Variants in PKD2 observed in about 807,000 individuals in gnomAD.
PKD2 encodes the protein polycystin-2.
In PKD2, 48 loss-of-function variants were observed where a neutral mutation model predicts 105.9. The ratio of observed to expected loss-of-function variants is 0.45; its 90% confidence interval spans 0.36 to 0.58. The LOEUF (loss-of-function observed/expected upper bound fraction) is 0.58. Among genes scored for constraint, PKD2 ranks in the 20% least tolerant of loss-of-function variants. The pLI is 0.00. For synonymous variants in PKD2, 464 were observed against 481.1 expected, an observed-to-expected ratio of 0.96 and a Z score of 0.46; for missense variants, 1,078 against 1,255.3, an observed-to-expected ratio of 0.86 and a Z score of 2.13.
rs776992921 is a variant in PKD2, at chr4:88,065,386, G to A, written c.2131G>A (p.Ala711Thr). 1.2e-6 allele frequency: 2 copies of A among 1,612,146 alleles called. No individual in the cohort carries two copies. Among genetic ancestry groups the A allele is most frequent in the South Asian group, 2.2e-5 (2 of 91,056 alleles). The change falls in exon 11 of 15, where the codon GCT becomes ACT. Residue 711 changes from alanine (A) to threonine (T), a missense_variant. Physicochemically the swap from Ala to Thr is moderately conservative, Grantham distance 58 (BLOSUM62 0). This residue lies in a region of PKD2 where 868 missense variants were observed against 1,067.3 expected (regional missense o/e 0.81). Coordinates refer to ENST00000237596, the MANE Select transcript of PKD2 (RefSeq NM_000297.4). ...CTCTCTCTGATAGGGCTACCATAAA[G>A]CTTTGGTCAAACTAAAACTGAAAAA... ...SDLIRKGYHKALVKLKLKKNT... is the reference protein window; with the variant it reads ...SDLIRKGYHKTLVKLKLKKNT...
intron 2 of PKD2, among the ~76,000 whole-genome samples, chr4:88,024,533 A>G (rs1208659981): frequency 6.6e-6 from 1 of 151,392 alleles, no homozygotes; most frequent in Non-Finnish European, 1.5e-5. Context: ...AATGCAAGGA[A>G]GGTATTTGGT....
intron 7 of PKD2, among the ~76,000 whole-genome samples, chr4:88,053,996 CAG>C (rs1185699564): frequency 6.6e-6 from 1 of 152,134 alleles, no homozygotes; most frequent in Non-Finnish European, 1.5e-5. Context: ...ATAGCACAGT[CAG>C]AGCCTGTGCT....
In PKD2 at chr4:88,065,492, A is replaced by G. The variant is rs1720758287; in HGVS notation, c.2237A>G (p.Lys746Arg). Reference sequence around the variant, plus strand: ...TTTGACGAACTTCGACAAGATCTCAAAGGGTGAGAATCATGCTTCCTGAGG... The same window carrying G: ...TTTGACGAACTTCGACAAGATCTCAGAGGGTGAGAATCATGCTTCCTGAGG... Reference protein sequence around the residue: ...LNFDELRQDLKGKGHTDAEIE... With the variant: ...LNFDELRQDLRGKGHTDAEIE... The change falls in exon 11 of 15, where the codon AAA becomes AGA. Residue 746 changes from lysine to arginine, a missense_variant. By Grantham distance (26) the Lys-to-Arg change is conservative (BLOSUM62 2). Coordinates refer to ENST00000237596, the MANE Select transcript of PKD2 (RefSeq NM_000297.4). The G allele has an allele frequency of 1.9e-6, 3 of 1,613,786 alleles. No individual in the cohort carries two copies. The East Asian group carries it at 6.7e-5, about 36-fold the overall frequency.
intron 2 of PKD2, among the ~76,000 whole-genome samples, chr4:88,021,281 G>A (rs1398486940): frequency 1.3e-5 from 2 of 152,158 alleles, no homozygotes; most frequent in Admixed American, 1.3e-4. Context: ...TACTAACAGA[G>A]CCTCCATAAT....
At chr4:88,041,920 TC>T (rs1203098771) in intron 4 of PKD2, among the ~76,000 whole-genome samples, 3 of 152,184 alleles carry the variant, frequency 2.0e-5, no homozygotes, top group African/African-American at 4.8e-5. Flanking sequence ...CCTCTGTTCC[TC>T]CCCACTCCAG....
At chr4:88,064,360 TA>T (rs1720706316) in intron 10 of PKD2, among the ~76,000 whole-genome samples, 1 of 152,258 alleles carries the variant, frequency 6.6e-6, no homozygotes. Context: ...TTAATGTTTC[TA>T]ATGTTTTACA....
intron 6 of PKD2, among the ~76,000 whole-genome samples, chr4:88,047,912 TGACTC>T (rs1388795202): frequency 6.6e-6 from 1 of 152,224 alleles, no homozygotes; most frequent in Non-Finnish European, 1.5e-5. Flanking sequence ...TGTCTGCTCT[TGACTC>T]TATTATAACT....
intron 2 of PKD2, among the ~76,000 whole-genome samples, chr4:88,019,882 G>C (rs1287527705): frequency 6.6e-6 from 1 of 152,190 alleles, no homozygotes; most frequent in Non-Finnish European, 1.5e-5. Flanking sequence ...TGACTAAATT[G>C]TGACCAAATG....
intron 3 of PKD2, among the ~76,000 whole-genome samples, chr4:88,037,052 T>C (rs1727359379): frequency 6.6e-6 from 1 of 152,112 alleles, no homozygotes; most frequent in Non-Finnish European, 1.5e-5. Context: ...CAACATAGTA[T>C]GACTTTGTCT....
At chr4:88,065,944 C>G in intron 12 of PKD2, 65 bp downstream of exon 12, 3 of 891,792 alleles carry the variant, frequency 3.4e-6, no homozygotes, top group South Asian at 1.3e-5. Flanking sequence ...GTATCAAACA[C>G]TATAGAAGTA....
At position 88,076,004 on chromosome 4, in the gene PKD2, C is replaced by G. The variant is rs1721223315; in HGVS notation, c.*310C>G. ...TCTTCTCAGTTGACAATGAAGTAGC[C>G]TTTTAAAGCTAGAAAACTGTCAAAG... On this transcript the variant is annotated 3_prime_UTR_variant, in exon 15 of 15. Transcript: ENST00000237596. 3.1e-6 allele frequency: 1 copy of G among 317,776 alleles called. No individual in the cohort carries two copies. Among genetic ancestry groups the G allele is most frequent in the Non-Finnish European group, 5.9e-6 (1 of 169,012 alleles). 19.7% of individuals were successfully genotyped at this position (317,776 alleles called of 1,614,324 possible).
At chr4:88,018,543 T>G (rs1460147601) in intron 1 of PKD2, among the ~76,000 whole-genome samples, 1 of 152,100 alleles carries the variant, frequency 6.6e-6, no homozygotes, top group African/African-American at 2.4e-5. Flanking sequence ...GAGAGGTTTG[T>G]CTTTTTTGGA....
intron 6 of PKD2, among the ~76,000 whole-genome samples, chr4:88,050,216 C>T (rs1251034166): frequency 2.0e-5 from 3 of 151,978 alleles, no homozygotes; most frequent in South Asian, 2.1e-4. Context: ...CCTCGTGATC[C>T]GCCCACCTCA....
chr4:88,010,281 A>G (rs907963577), intron 1 of PKD2, among the ~76,000 whole-genome samples: 4 of 152,196 alleles, frequency 2.6e-5, no homozygotes, highest in African/African-American at 9.6e-5. Context: ...ATTATATAAA[A>G]TGTTTAAATA....
chr4:88,052,583 ATAAAG>A (rs1488603911), intron 7 of PKD2, among the ~76,000 whole-genome samples: 6 of 152,186 alleles, frequency 3.9e-5, no homozygotes, highest in Admixed American at 2.0e-4. Context: ...TATTTTACAT[ATAAAG>A]TAAACTATTG....
At chr4:88,054,358 C>T (rs1578140533) in intron 7 of PKD2, among the ~76,000 whole-genome samples, 1 of 151,158 alleles carries the variant, frequency 6.6e-6, no homozygotes, top group African/African-American at 2.4e-5. Flanking sequence ...CTGAATCATG[C>T]CACTGCACTC....
chr4:88,016,119 C>T (rs145331243), intron 1 of PKD2, among the ~76,000 whole-genome samples: 1,563 of 152,266 alleles, frequency 0.01, 44 homozygotes, highest in Admixed American at 0.06. Flanking sequence ...TGACAGGAGG[C>T]GGAGCTCGGG....
intron 9 of PKD2, among the ~76,000 whole-genome samples, chr4:88,059,478 C>T (rs574712669): frequency 2.6e-5 from 4 of 152,148 alleles, no homozygotes; most frequent in South Asian, 2.1e-4. Context: ...TAGTTTTCTC[C>T]GTTTATCAAT....
At chr4:88,051,126 T>C (rs1417290016) in intron 6 of PKD2, among the ~76,000 whole-genome samples, 2 of 152,166 alleles carry the variant, frequency 1.3e-5, no homozygotes, top group East Asian at 3.9e-4. Flanking sequence ...TCCCCTTGGA[T>C]CTGATTGTAA....
Sources: gnomAD v4.1 joint callset for allele counts (sites outside exome capture counted in the v4.1 genomes callset) on GRCh38, gnomAD v4.1.1 for gene constraint, gnomAD v4.1.1 regional missense constraint, MANE v1.5 for transcripts, NCBI Gene and HGNC (gene_info 2026-07-23, HGNC 2026-07-21) for gene names.